Variants in NT5DC1 observed in about 807,000 individuals in gnomAD.
The protein encoded by NT5DC1 is 5'-nucleotidase domain-containing protein 1.
Under a neutral mutation model 59.4 loss-of-function variants are expected in NT5DC1, and 42 were observed. The observed-to-expected ratio is 0.71, with a 90% CI of 0.55 to 0.92. The LOEUF (loss-of-function observed/expected upper bound fraction) is 0.92. Ranked by LOEUF, NT5DC1 falls within the 40% of genes least tolerant of loss-of-function variation. NT5DC1 has a pLI of 0.00. For missense variants in NT5DC1, 501 were observed against 537.1 expected, an observed-to-expected ratio of 0.93 and a Z score of 0.66; for synonymous variants, 172 against 188.1, an observed-to-expected ratio of 0.91 and a Z score of 0.70.
chr6:116,227,184 T>G (rs1781926973), intron 8 of NT5DC1, among the ~76,000 whole-genome samples: 1 of 152,216 alleles, frequency 6.6e-6, no homozygotes, highest in South Asian at 2.1e-4. Flanking sequence ...TCTATGAGTT[T>G]GGCTTTTTTA....
intron 6 of NT5DC1, chr6:116,121,955 G>A: frequency 6.2e-7 from 1 of 1,611,820 alleles, no homozygotes; most frequent in Non-Finnish European, 8.5e-7. Context: ...TCCTCTTACT[G>A]CTATACCTAA....
chr6:116,140,999 A>G (rs1470715736), intron 6 of NT5DC1, among the ~76,000 whole-genome samples: 2 of 152,114 alleles, frequency 1.3e-5, no homozygotes, highest in Non-Finnish European at 2.9e-5. Flanking sequence ...TTAACTATGT[A>G]TATTTTTCTG....
intron 6 of NT5DC1, among the ~76,000 whole-genome samples, chr6:116,150,300 T>C (rs1214799617): frequency 6.6e-6 from 1 of 152,082 alleles, no homozygotes; most frequent in African/African-American, 2.4e-5. Context: ...AATTATTATT[T>C]TTTCAGACAA....
intron 6 of NT5DC1, among the ~76,000 whole-genome samples, chr6:116,172,748 T>C (rs924453152): frequency 1.6e-4 from 24 of 152,334 alleles, no homozygotes; most frequent in African/African-American, 5.8e-4. Context: ...TTATTATATT[T>C]CTTTATGTAC....
chr6:116,221,035 TG>T lies in NT5DC1; in HGVS notation c.530-18del. ...AAATGTTTAAAAAGAAAAACCTCAT[TG>T]ATATTTTTATTTTTCAGAAAACTGT... On this transcript the variant is annotated intron_variant, in intron 6 of 11. Transcript: ENST00000319550. 8.3e-7 allele frequency: 1 copy of T among 1,210,336 alleles called. No homozygotes were observed. Among genetic ancestry groups the T allele is most frequent in the Admixed American group, 2.0e-5 (1 of 48,854 alleles). The allele number at this position is 1,210,336 out of a possible 1,614,324, so 75.0% of individuals were successfully genotyped here.
intron 6 of NT5DC1, chr6:116,119,700 G>A (rs766885095): frequency 2.8e-5 from 5 of 180,848 alleles, no homozygotes; most frequent in East Asian, 1.5e-4. Flanking sequence ...AGGAAATGCC[G>A]AGTTTCTCAA....
At chr6:116,225,010 C>T (rs544850195) in intron 8 of NT5DC1, among the ~76,000 whole-genome samples, 3 of 151,978 alleles carry the variant, frequency 2.0e-5, no homozygotes, top group South Asian at 2.1e-4. Flanking sequence ...ACAGAGGGCT[C>T]GGTGATACTT....
chr6:116,128,238 T>G (rs778383065), intron 6 of NT5DC1, among the ~76,000 whole-genome samples: 1 of 152,204 alleles, frequency 6.6e-6, no homozygotes, highest in African/African-American at 2.4e-5. Flanking sequence ...AATAGTGTAC[T>G]TATTTCAGCA....
intron 6 of NT5DC1, among the ~76,000 whole-genome samples, chr6:116,133,057 C>A (rs1198282358): frequency 6.6e-6 from 1 of 152,172 alleles, no homozygotes; most frequent in Non-Finnish European, 1.5e-5. Context: ...AACTGAGAGT[C>A]ATTTACAAAG....
rs1417982015 is a variant in NT5DC1, at chr6:116,108,447, T to G, written c.257+12T>G. 6.4e-7 allele frequency: 1 copy of G among 1,559,324 alleles called. No homozygotes were observed. On this transcript the variant is annotated intron_variant, in intron 3 of 11. Coordinates refer to ENST00000319550, the MANE Select transcript of NT5DC1 (RefSeq NM_152729.3). ...GGCACTGTTCTCAGGTAATAAAACT[T>G]AGTTGTGAAGTCTAAACTTTACCTT...
Position 116,238,342 on chromosome 6 carries a change from A to T in NT5DC1, c.1077A>T (p.Lys359Asn), listed in dbSNP as rs1226297337. The T allele has an allele frequency of 1.9e-6, 3 of 1,592,456 alleles. No individual in the cohort carries two copies. The highest frequency in any genetic ancestry group is 2.6e-6 in the Non-Finnish European group (3 of 1,172,480). Residue 359 changes from lysine to asparagine, a missense_variant, in exon 10 of 12, where the codon AAA (lysine) becomes AAT (asparagine). Lys to Asn is a moderately conservative substitution (Grantham distance 94). Coordinates refer to ENST00000319550, the MANE Select transcript of NT5DC1 (RefSeq NM_152729.3). The stretch of plus-strand genomic sequence containing the variant: ...CAGAGCCTCTAGAGAAGAAAGGAAA[A>T]TATGAGGTAAGGGTTCCCTGCAGCT... ...EESEPLEKKG[K>N]YEGPKAKPLN...
rs887124025 is a variant in NT5DC1, at chr6:116,223,160, C to T, written c.802+29C>T. 3.2e-6 allele frequency: 4 copies of T among 1,235,382 alleles called. No individual in the cohort carries two copies. In the East Asian group the frequency reaches 7.0e-5, roughly 22 times the overall value. The allele number at this position is 1,235,382 out of a possible 1,614,324, so 76.5% of individuals were successfully genotyped here. On this transcript the variant is annotated intron_variant, in intron 8 of 11. Transcript: ENST00000319550. Reference sequence around the variant, plus strand: ...AGTTACATTTGGTTTCTTTCTTTTCCTGTATACAGTTGGCTAACAACCTTG... The same window carrying T: ...AGTTACATTTGGTTTCTTTCTTTTCTTGTATACAGTTGGCTAACAACCTTG...
At chr6:116,215,682 T>G (rs1781676113) in intron 6 of NT5DC1, among the ~76,000 whole-genome samples, 1 of 152,170 alleles carries the variant, frequency 6.6e-6, no homozygotes, top group South Asian at 2.1e-4. Flanking sequence ...GAAACTAGGT[T>G]CTTTTAGAAT....
chr6:116,173,681 AT>A (rs1191491780), intron 6 of NT5DC1, among the ~76,000 whole-genome samples: 1 of 152,092 alleles, frequency 6.6e-6, no homozygotes, highest in South Asian at 2.1e-4. Context: ...TTATTTATTT[AT>A]TTTTTTGGTT....
chr6:116,167,093 G>A (rs56203042), intron 6 of NT5DC1, among the ~76,000 whole-genome samples: 11 of 151,626 alleles, frequency 7.3e-5, no homozygotes, highest in Admixed American at 1.3e-4. Context: ...TGTGATATCC[G>A]TAGAATTATC....
chr6:116,149,546 T>C (rs1002097053), intron 6 of NT5DC1, among the ~76,000 whole-genome samples: 30 of 152,208 alleles, frequency 2.0e-4, no homozygotes, highest in African/African-American at 7.2e-4. Context: ...ATTTGAATAG[T>C]GAAGTACATA....
chr6:116,120,908 G>A (rs1779099060), intron 6 of NT5DC1: 1 of 1,613,910 alleles, frequency 6.2e-7, no homozygotes, highest in Non-Finnish European at 8.5e-7. Flanking sequence ...TGGTAACCCT[G>A]GGTTACCCTT....
At chr6:116,243,291 C>T (rs1262517739) in intron 11 of NT5DC1, among the ~76,000 whole-genome samples, 1 of 152,030 alleles carries the variant, frequency 6.6e-6, no homozygotes, top group Non-Finnish European at 1.5e-5. Flanking sequence ...CTGAGGAGGG[C>T]CTGGGAGTTT....
intron 6 of NT5DC1, among the ~76,000 whole-genome samples, chr6:116,187,362 A>G (rs780244546): frequency 1.1e-4 from 17 of 152,092 alleles, no homozygotes; most frequent in Non-Finnish European, 1.9e-4. Context: ...ACTGAAGCTC[A>G]TGCCACAATT....
Sources: gnomAD v4.1 joint callset for allele counts (sites outside exome capture counted in the v4.1 genomes callset) on GRCh38, gnomAD v4.1.1 for gene constraint, MANE v1.5 for transcripts, NCBI Gene and HGNC (gene_info 2026-07-23, HGNC 2026-07-21) for gene names.